The following NECAB1 variants were observed in gnomAD, a reference collection of about 807,000 sequenced individuals.
NECAB1 encodes N-terminal EF-hand calcium binding protein 1.
A neutral mutation model predicts 57.5 loss-of-function variants in NECAB1; 29 were observed. The ratio of observed to expected loss-of-function variants is 0.50; its 90% CI spans 0.38 to 0.69. The LOEUF (loss-of-function observed/expected upper bound fraction) is 0.69. NECAB1 is among the 30% of genes least tolerant of loss of function. The pLI is 0.00. For missense variants in NECAB1, 372 were observed against 413.8 expected, an observed-to-expected ratio of 0.90 and a Z score of 0.88; for synonymous variants, 142 against 147.7, an observed-to-expected ratio of 0.96 and a Z score of 0.28.
chr8:90,916,815 C>A (rs2130115461), intron 5 of NECAB1, among the ~76,000 whole-genome samples: 1 of 152,254 alleles, frequency 6.6e-6, no homozygotes, highest in South Asian at 2.1e-4. Flanking sequence ...GTGACCTCTG[C>A]AGTGACCCTG....
chr8:90,942,066 A>G (rs559961901), intron 10 of NECAB1, among the ~76,000 whole-genome samples: 2 of 152,184 alleles, frequency 1.3e-5, no homozygotes, highest in Non-Finnish European at 2.9e-5. Context: ...TCAATTAATT[A>G]TATTTTATTC....
intron 5 of NECAB1, among the ~76,000 whole-genome samples, chr8:90,898,274 C>T (rs933562218): frequency 2.4e-4 from 36 of 152,184 alleles, no homozygotes; most frequent in African/African-American, 8.2e-4. Context: ...CAAGTCTCAC[C>T]TCCCCTCTTC....
At chr8:90,860,113 C>G (rs1812869467) in intron 3 of NECAB1, among the ~76,000 whole-genome samples, 1 of 152,024 alleles carries the variant, frequency 6.6e-6, no homozygotes, top group African/African-American at 2.4e-5. Flanking sequence ...ACTTTTCGTG[C>G]ATGTTAAAAT....
rs543960486 is a variant in NECAB1 at position 90,845,717 on chromosome 8, C to T, written c.233+20892C>T. ...AAAAAAATCAAAGTGTAAATGCTTT[C>T]ATTGAACTTGATTTTCAAAAAAACA... is the stretch of plus-strand genomic sequence containing the variant. On this transcript the variant is annotated intron_variant, in intron 3 of 12. Transcript: ENST00000417640. 3.3e-5 allele frequency among the ~76,000 whole-genome samples: 5 copies of T among 152,264 alleles called. No individual in the cohort carries two copies. The East Asian group carries it at 9.7e-4, about 29-fold the overall frequency.
At chr8:90,795,104 T>C (rs1158539888) in intron 1 of NECAB1, among the ~76,000 whole-genome samples, 1 of 152,208 alleles carries the variant, frequency 6.6e-6, no homozygotes, top group African/African-American at 2.4e-5. Context: ...TTTACACCAA[T>C]GGACTATCAT....
chr8:90,944,613 A>G (rs1362978331), intron 10 of NECAB1, among the ~76,000 whole-genome samples: 3 of 152,242 alleles, frequency 2.0e-5, no homozygotes, highest in East Asian at 1.9e-4. Context: ...AGAACAAGAG[A>G]ATAGTTTTGC....
intron 3 of NECAB1, among the ~76,000 whole-genome samples, chr8:90,842,885 G>A (rs2129748823): frequency 6.6e-6 from 1 of 152,308 alleles, no homozygotes. Context: ...CTCAGAAAGT[G>A]GCAGGTAGGG....
intron 3 of NECAB1, among the ~76,000 whole-genome samples, chr8:90,839,958 G>C (rs1447393760): frequency 6.6e-6 from 1 of 152,184 alleles, no homozygotes; most frequent in East Asian, 1.9e-4. Flanking sequence ...AGCAAAACCA[G>C]GTAAGAGGTG....
intron 10 of NECAB1, among the ~76,000 whole-genome samples, chr8:90,945,687 T>C (rs761945161): frequency 1.3e-5 from 2 of 152,134 alleles, no homozygotes; most frequent in Non-Finnish European, 2.9e-5. Flanking sequence ...ATGGGCAGTT[T>C]CCTCATTTAA....
chr8:90,853,193 C>T (rs772390011), intron 3 of NECAB1, among the ~76,000 whole-genome samples: 10 of 152,156 alleles, frequency 6.6e-5, no homozygotes, highest in Non-Finnish European at 1.2e-4. Flanking sequence ...TGGAGTGCAG[C>T]GGGTCTGAGT....
chr8:90,796,742 C>T (rs1205195210), intron 1 of NECAB1, among the ~76,000 whole-genome samples: 2 of 152,134 alleles, frequency 1.3e-5, no homozygotes, highest in Admixed American at 1.3e-4. Context: ...GGTACCATAA[C>T]GTAATGAACT....
In NECAB1 at chr8:90,959,074, C is replaced by A; in HGVS notation, c.*3562C>A. ...AGTTAATTTATCAATTGATTGAATACAGTTTTTACTAATTAGTTTATCAAA... is the reference window on the plus strand; with the variant it reads ...AGTTAATTTATCAATTGATTGAATAAAGTTTTTACTAATTAGTTTATCAAA... On this transcript the variant is annotated 3_prime_UTR_variant, in exon 13 of 13. Transcript: ENST00000417640. 6.5e-6 allele frequency: 6 copies of A among 921,914 alleles called. No individual in the cohort carries two copies. The highest frequency in any genetic ancestry group is 9.7e-6 in the Non-Finnish European group (6 of 620,660). The allele number at this position is 921,914 out of a possible 1,614,324, so 57.1% of individuals were successfully genotyped here. A position where few individuals can be genotyped will look rare whatever the true frequency, so the allele number is the denominator to read the frequency against.
chr8:90,847,211 A>T (rs895585901), intron 3 of NECAB1, among the ~76,000 whole-genome samples: 5 of 152,244 alleles, frequency 3.3e-5, no homozygotes, highest in Admixed American at 2.6e-4. Flanking sequence ...GGCCAAAACA[A>T]AGGGGCCACA....
chr8:90,841,747 C>T (rs186419444), intron 3 of NECAB1, among the ~76,000 whole-genome samples: 1 of 152,172 alleles, frequency 6.6e-6, no homozygotes, highest in East Asian at 1.9e-4. Flanking sequence ...GAAAAGAATC[C>T]TCTTGATGAA....
chr8:90,954,717 C>T (rs977291246), intron 12 of NECAB1, among the ~76,000 whole-genome samples: 1 of 150,358 alleles, frequency 6.7e-6, no homozygotes, highest in African/African-American at 2.4e-5. Context: ...TTGCTTATAC[C>T]CAATATTTAT....
intron 3 of NECAB1, among the ~76,000 whole-genome samples, chr8:90,871,005 T>A (rs922881919): frequency 6.6e-6 from 1 of 152,220 alleles, no homozygotes; most frequent in Non-Finnish European, 1.5e-5. Flanking sequence ...GAGTTTAAAA[T>A]AACTTTTAAA....
At chr8:90,868,849 T>C (rs1194033784) in intron 3 of NECAB1, among the ~76,000 whole-genome samples, 2 of 152,266 alleles carry the variant, frequency 1.3e-5, no homozygotes, top group Non-Finnish European at 2.9e-5. Flanking sequence ...AGGAGCTGAA[T>C]GTTAATAGGT....
chr8:90,801,017 G>A (rs1811748659), intron 1 of NECAB1, among the ~76,000 whole-genome samples: 1 of 152,114 alleles, frequency 6.6e-6, no homozygotes, highest in Non-Finnish European at 1.5e-5. Flanking sequence ...GATTAATAAA[G>A]TATAAATAAA....
chr8:90,864,583 T>A (rs1233492994), intron 3 of NECAB1, among the ~76,000 whole-genome samples: 2 of 152,080 alleles, frequency 1.3e-5, no homozygotes, highest in East Asian at 3.9e-4. Flanking sequence ...GATAACCCAT[T>A]GACTTGCATA....
Sources: gnomAD v4.1 joint callset for allele counts (sites outside exome capture counted in the v4.1 genomes callset) on GRCh38, gnomAD v4.1.1 for gene constraint, MANE v1.5 for transcripts, NCBI Gene and HGNC (gene_info 2026-07-23, HGNC 2026-07-21) for gene names.